The following WT1 variants were observed in gnomAD, a reference collection of about 807,000 sequenced individuals.
The protein encoded by WT1 is WT1 transcription factor.
Under a neutral mutation model 60.8 loss-of-function variants are expected in WT1, and 8 were observed. The ratio of observed to expected loss-of-function variants is 0.13; its 90% CI spans 0.08 to 0.24. The LOEUF is 0.24. WT1 is among the 10% of genes least tolerant of loss of function. The probability of loss-of-function intolerance (pLI) is 1.00; values close to 1 mark genes in which losing one functional copy is unlikely to be tolerated. For missense variants in WT1, 568 were observed against 711.8 expected, an observed-to-expected ratio of 0.80 and a Z score of 2.30; for synonymous variants, 312 against 297.1, an observed-to-expected ratio of 1.05 and a Z score of -0.52.
At chr11:32,407,014 G>A (rs951885108) in intron 5 of WT1, among the ~76,000 whole-genome samples, 11 of 152,048 alleles carry the variant, frequency 7.2e-5, no homozygotes, top group African/African-American at 1.2e-4. Context: ...CGAGAGAATC[G>A]CTTGAATCCG....
In WT1 at chr11:32,404,198, A is replaced by G. The variant is rs190719832; in HGVS notation, c.1017-4154T>C. The stretch of plus-strand genomic sequence containing the variant: ...GGCAGGAGAATCGCTTGAACCCGGG[A>G]GGCGGAGTTGCAGTGAGCCGAGATC... On this transcript the variant is annotated intron_variant, in intron 5 of 9. Coordinates refer to ENST00000452863, the MANE Select transcript of WT1 (RefSeq NM_024426.6). Among the ~76,000 whole-genome samples, 13 of 133,836 alleles carry G rather than the reference A, an allele frequency of 9.7e-5. No homozygotes were observed. The Admixed American group carries it at 1.2e-3, about 12-fold the overall frequency. The allele number at this position is 133,836 out of a possible 152,430, so 87.8% of individuals were successfully genotyped here. A position where few individuals can be genotyped will look rare whatever the true frequency, so the allele number is the denominator to read the frequency against.
At chr11:32,426,659 A>G (rs5030183) in intron 3 of WT1, among the ~76,000 whole-genome samples, 5,926 of 147,936 alleles carry the variant, frequency 0.04, 315 homozygotes, top group African/African-American at 0.12. Context: ...CCAAGTTTCG[A>G]ATAGATAAAC....
At chr11:32,430,490 G>GAC (rs764718170) in intron 1 of WT1, 8 of 1,518,956 alleles carry the variant, frequency 5.3e-6, no homozygotes, top group Middle Eastern at 1.8e-4. Context: ...GAGAGAGAGA[G>GAC]ACGAAATAGA....
At chr11:32,394,760 G>A (rs1322307606) in intron 7 of WT1, among the ~76,000 whole-genome samples, 1 of 152,188 alleles carries the variant, frequency 6.6e-6, no homozygotes, top group Non-Finnish European at 1.5e-5. Flanking sequence ...CTCATCTTCT[G>A]CAAGGAAGAG....
At chr11:32,427,076 A>C (rs1196333785) in intron 3 of WT1, among the ~76,000 whole-genome samples, 1 of 152,198 alleles carries the variant, frequency 6.6e-6, no homozygotes, top group Non-Finnish European at 1.5e-5. Flanking sequence ...CCCGAGCACC[A>C]GGGAGGAGGG....
intron 5 of WT1, among the ~76,000 whole-genome samples, chr11:32,405,457 T>A (rs919656761): frequency 6.0e-5 from 9 of 149,948 alleles, no homozygotes; most frequent in Admixed American, 2.0e-4. Flanking sequence ...CTGTAAAAAA[T>A]ATATATATTT....
chr11:32,428,714 T>G, intron 1 of WT1, 95 bp from the exon 2 acceptor site: 2 of 1,537,016 alleles, frequency 1.3e-6, no homozygotes, highest in Non-Finnish European at 1.7e-6. Flanking sequence ...GGGTGTGCGC[T>G]GAACCCCGCA....
intron 9 of WT1, among the ~76,000 whole-genome samples, chr11:32,391,120 G>A (rs1851805045): frequency 3.3e-5 from 5 of 152,018 alleles, no homozygotes; most frequent in Admixed American, 3.3e-4. Flanking sequence ...AAATAGCTGG[G>A]ACTATAGGTC....
chr11:32,430,412 G>C, intron 1 of WT1: 2 of 1,359,168 alleles, frequency 1.5e-6, no homozygotes, highest in African/African-American at 1.5e-5. Flanking sequence ...AAAAGAGAGA[G>C]AGAGAAAGAG....
At chr11:32,400,922 A>T (rs1852134586) in intron 5 of WT1, among the ~76,000 whole-genome samples, 1 of 152,258 alleles carries the variant, frequency 6.6e-6, no homozygotes, top group African/African-American at 2.4e-5. Context: ...GAAATGATGC[A>T]GCTGCTTTGC....
At chr11:32,400,740 C>G (rs114684990) in intron 5 of WT1, 3 of 159,322 alleles carry the variant, frequency 1.9e-5, no homozygotes, top group Non-Finnish European at 2.8e-5. Flanking sequence ...TTGAAAGGAA[C>G]GAATGTTCTG....
At position 32,388,544 on chromosome 11, in the gene WT1, C is replaced by T. The variant is rs372622383; in HGVS notation, c.*514G>A. ...TCCAGGTTAGCAGCCTGGCTGACCTCGGGAATGTTAGACAAGATTCACCCC... is the reference window on the plus strand; with the variant it reads ...TCCAGGTTAGCAGCCTGGCTGACCTTGGGAATGTTAGACAAGATTCACCCC... On this transcript the variant is annotated 3_prime_UTR_variant, in exon 10 of 10. Coordinates refer to ENST00000452863, the MANE Select transcript of WT1 (RefSeq NM_024426.6). The T allele has an allele frequency of 1.6e-5, 4 of 243,668 alleles. No homozygotes were observed. The South Asian group carries it at 4.7e-4, about 29-fold the overall frequency. The allele number at this position is 243,668 out of a possible 1,614,324, so 15.1% of individuals were successfully genotyped here.
At chr11:32,410,387 T>C (rs1490328338) in intron 5 of WT1, among the ~76,000 whole-genome samples, 1 of 152,176 alleles carries the variant, frequency 6.6e-6, no homozygotes, top group Non-Finnish European at 1.5e-5. Flanking sequence ...ATTTTTTTGC[T>C]CCCTTTTGCA....
chr11:32,394,387 A>G (rs1335100056), intron 7 of WT1, among the ~76,000 whole-genome samples: 41 of 152,150 alleles, frequency 2.7e-4, no homozygotes. Flanking sequence ...TTCTCGGATG[A>G]CCTTAGTTCA....
intron 5 of WT1, among the ~76,000 whole-genome samples, chr11:32,402,379 C>T (rs945958200): frequency 6.6e-6 from 1 of 152,132 alleles, no homozygotes; most frequent in Non-Finnish European, 1.5e-5. Context: ...TTACTTGGTA[C>T]AGACAGTGGG....
At chr11:32,394,289 C>A (rs1159435926) in intron 7 of WT1, among the ~76,000 whole-genome samples, 2 of 152,160 alleles carry the variant, frequency 1.3e-5, no homozygotes, top group Non-Finnish European at 2.9e-5. Context: ...CCTTCCCCTG[C>A]CTTTGAGCTT....
chr11:32,408,528 AAAAAAAAAAAAAAAAG>A (rs1425969639), intron 5 of WT1, among the ~76,000 whole-genome samples: 1 of 148,970 alleles, frequency 6.7e-6, no homozygotes, highest in Non-Finnish European at 1.5e-5. Context: ...AAAAAAAAAA[AAAAAAAAAAAAAAAAG>A]AAAGAAAGAA....
Position 32,428,051 on chromosome 11 carries a change from C to T in WT1, c.792G>A (p.Gln264=), listed in dbSNP as rs1853121554. ...AGACCGGGGGCGGCACCGAGTACTG[C>T]TGCTCACCTGCAGAGAGAACCGAAG... Residue 264 remains glutamine, a synonymous_variant, in exon 3 of 10, where the codon CAG becomes CAA. Coordinates refer to ENST00000452863, the MANE Select transcript of WT1 (RefSeq NM_024426.6). 6.2e-7 allele frequency: 1 copy of T among 1,603,610 alleles called. No individual in the cohort carries two copies.
intron 6 of WT1, among the ~76,000 whole-genome samples, chr11:32,399,016 C>G (rs1017076150): frequency 6.6e-6 from 1 of 151,418 alleles, no homozygotes; most frequent in Admixed American, 6.6e-5. Context: ...ATTAGCCAGG[C>G]GTGGTGGTGG....
Sources: allele counts gnomAD v4.1 joint callset (sites outside exome capture counted in the v4.1 genomes callset), GRCh38; gene constraint gnomAD v4.1.1; transcripts MANE v1.5; gene names NCBI Gene and HGNC (gene_info 2026-07-23, HGNC 2026-07-21).